Variants in KCNQ1 observed in about 807,000 individuals in gnomAD.
KCNQ1 encodes the protein potassium voltage-gated channel subfamily Q member 1, also known as potassium voltage-gated channel subfamily KQT member 1.
A neutral mutation model predicts 72.4 loss-of-function variants in KCNQ1; 49 were observed. The ratio of observed to expected loss-of-function variants is 0.68; its 90% CI spans 0.54 to 0.86. KCNQ1 has a LOEUF of 0.86. KCNQ1 is among the 40% of genes least tolerant of loss of function. KCNQ1 has a pLI of 0.00. For synonymous variants in KCNQ1, 450 were observed against 412.6 expected (o/e 1.09, Z -1.10); for missense variants, 790 against 945.1 (o/e 0.84, Z 2.15).
Position 2,608,418 on chromosome 11 carries a change from C to G in KCNQ1, c.1393+19564C>G, listed in dbSNP as rs938965001. The G allele has an allele frequency of 9.0e-5, 36 of 398,266 alleles. No individual in the cohort carries two copies. The highest frequency in any genetic ancestry group is 7.4e-4 in the African/African-American group (36 of 48,552). The allele number at this position is 398,266 out of a possible 1,614,324, so 24.7% of individuals were successfully genotyped here. ...TTGGCACAAAATTGTTCATAGTGTT[C>G]CTTCATAATCCTTTTTATTTCTGTC... On this transcript the variant is annotated intron_variant, in intron 10 of 15. Transcript: ENST00000155840. This position sits in a 1 kb window ranked among gnomAD's most constrained non-coding sequence, Gnocchi z 4.6.
Position 2,662,202 on chromosome 11 carries a change from C to T in KCNQ1, c.1514+121C>T, listed in dbSNP as rs543981243. ...GTGCTATCTACTCGCCTAGTGCCCA[C>T]CACTTGCCGTCTGCCTGGCCCCAAC... On this transcript the variant is annotated intron_variant, in intron 11 of 15. Transcript: ENST00000155840. 3.0e-4 allele frequency: 411 copies of T among 1,380,094 alleles called. 8 individuals are homozygous for T. In the South Asian group the frequency reaches 5.1e-3, roughly 17 times the overall value. 85.5% of individuals were successfully genotyped at this position (1,380,094 alleles called of 1,614,324 possible). A position where few individuals can be genotyped will look rare whatever the true frequency, so the allele number is the denominator to read the frequency against.
chr11:2,532,832 T>G (rs1472607980), intron 2 of KCNQ1, among the ~76,000 whole-genome samples: 1 of 152,176 alleles, frequency 6.6e-6, no homozygotes, highest in Non-Finnish European at 1.5e-5. Flanking sequence ...TGTTGGGTTC[T>G]TGATTCCAGC....
At chr11:2,609,963 CT>C in intron 10 of KCNQ1, 1 of 397,936 alleles carries the variant, frequency 2.5e-6, no homozygotes, top group Non-Finnish European at 4.4e-6. Flanking sequence ...CAAATCTGGT[CT>C]GATAATTCCT....
chr11:2,719,987 G>A (rs955288033), intron 11 of KCNQ1, among the ~76,000 whole-genome samples: 6 of 152,246 alleles, frequency 3.9e-5, no homozygotes, highest in Non-Finnish European at 7.3e-5. Context: ...GCACGCCTGG[G>A]CGGAGGTGGA....
At position 2,794,920 on chromosome 11, in the gene KCNQ1, A is replaced by G. The variant is rs1275267022; in HGVS notation, c.1794+16883A>G. On this transcript the variant is annotated intron_variant, in intron 15 of 15. Coordinates refer to ENST00000155840, the MANE Select transcript of KCNQ1 (RefSeq NM_000218.3). ...ATGCCACCAGTGGGGACCAATGTAC[A>G]GAGACCAGGCCCAGCCTAGAGTGGG... Among the ~76,000 whole-genome samples the G allele has an allele frequency of 2.6e-5, 4 of 152,320 alleles. No individual in the cohort carries two copies. In the East Asian group the frequency reaches 7.7e-4, roughly 29 times the overall value.
intron 10 of KCNQ1, chr11:2,634,796 A>G (rs984457224): frequency 6.6e-5 from 10 of 152,210 alleles, no homozygotes; most frequent in African/African-American, 2.2e-4. Flanking sequence ...AGTCCCACCA[A>G]CAGTGTAAAA....
At position 2,646,914 on chromosome 11, in the gene KCNQ1, T is replaced by C. The variant is rs534124860; in HGVS notation, c.1394-15047T>C. 30 of 398,676 alleles carry C rather than the reference T, an allele frequency of 7.5e-5. No individual in the cohort carries two copies. In the East Asian group the frequency reaches 1.0e-3, roughly 13 times the overall value. The allele number at this position is 398,676 out of a possible 1,614,324, so 24.7% of individuals were successfully genotyped here. Reference sequence around the variant, plus strand: ...GGTGGAATCTTTAGGTTTTTCTATGTATAAGATTATGCCATCTGCAAAGGA... The same window carrying C: ...GGTGGAATCTTTAGGTTTTTCTATGCATAAGATTATGCCATCTGCAAAGGA... On this transcript the variant is annotated intron_variant, in intron 10 of 15. Coordinates refer to ENST00000155840, the MANE Select transcript of KCNQ1 (RefSeq NM_000218.3).
intron 15 of KCNQ1, among the ~76,000 whole-genome samples, chr11:2,792,289 C>T (rs1445307264): frequency 6.6e-6 from 1 of 152,160 alleles, no homozygotes; most frequent in Non-Finnish European, 1.5e-5. Context: ...AACCTGGAGC[C>T]CCTCTGGCCG....
intron 1 of KCNQ1, among the ~76,000 whole-genome samples, chr11:2,490,209 G>C (rs1161973443): frequency 6.6e-6 from 1 of 152,016 alleles, no homozygotes; most frequent in Non-Finnish European, 1.5e-5. Context: ...AAGGAATTCT[G>C]GGTATGACTT....
rs1184153876 is a variant in KCNQ1, at chr11:2,658,522, A to C, written c.1394-3439A>C. 8 of 398,302 alleles carry C rather than the reference A, an allele frequency of 2.0e-5. No homozygotes were observed. The highest frequency in any genetic ancestry group is 6.2e-4 in the Middle Eastern group (1 of 1,612). 24.7% of individuals were successfully genotyped at this position (398,302 alleles called of 1,614,324 possible). ...CTTTTCTAGCACTTGACAATACTTCAGGCTCATCTTTTATTTTCCCTACCC... is the reference window on the plus strand; with the variant it reads ...CTTTTCTAGCACTTGACAATACTTCCGGCTCATCTTTTATTTTCCCTACCC... On this transcript the variant is annotated intron_variant, in intron 10 of 15. Transcript: ENST00000155840. This position sits in a 1 kb window ranked among gnomAD's most constrained non-coding sequence, Gnocchi z 4.9.
In KCNQ1 at chr11:2,518,299, G is replaced by A. The variant is rs148663686; in HGVS notation, c.387-9629G>A. Among the ~76,000 whole-genome samples the A allele has an allele frequency of 5.3e-3, 813 of 152,324 alleles. 24 individuals are homozygous for A. The highest frequency in any genetic ancestry group is 0.026 in the East Asian group (135 of 5,166). On this transcript the variant is annotated intron_variant, in intron 1 of 15. Transcript: ENST00000155840. ...CAGGGAAGCCCAGGCCAGGGCCTCC[G>A]CAGAAGGAGGGTTTGGGGTCCAGGC...
At position 2,463,930 on chromosome 11, in the gene KCNQ1, G is replaced by A. The variant is rs1409010674; in HGVS notation, c.386+18446G>A. On this transcript the variant is annotated intron_variant, in intron 1 of 15. Transcript: ENST00000155840. The surrounding 1 kb of genome is among the most constrained non-coding windows in gnomAD (Gnocchi z 7.0). ...TCTCCCCACGGTGTGAGGCAGCACC[G>A]AGGGCTCCGTGCCCAGCAGGCTCAC... Among the ~76,000 whole-genome samples the A allele has an allele frequency of 2.6e-5, 4 of 152,236 alleles. No individual in the cohort carries two copies. The highest frequency in any genetic ancestry group is 6.5e-5 in the Admixed American group (1 of 15,284).
chr11:2,799,506 G>T (rs116112422), intron 15 of KCNQ1, among the ~76,000 whole-genome samples: 285 of 151,880 alleles, frequency 1.9e-3, no homozygotes, highest in African/African-American at 6.5e-3. Flanking sequence ...GTTGTATGTG[G>T]TGTGTCTTCT....
chr11:2,648,051 C>CAAA (rs34011245), intron 10 of KCNQ1: 14 of 368,964 alleles, frequency 3.8e-5, no homozygotes, highest in East Asian at 3.7e-5. Context: ...CCATCTCTAC[C>CAAA]AAAAAAAAAA....
At position 2,683,916 on chromosome 11, in the gene KCNQ1, T is replaced by A; in HGVS notation, c.1514+21835T>A. 2.5e-6 allele frequency: 1 copy of A among 397,926 alleles called. No homozygotes were observed. Among genetic ancestry groups the A allele is most frequent in the Non-Finnish European group, 4.4e-6 (1 of 226,004 alleles). 24.6% of individuals were successfully genotyped at this position (397,926 alleles called of 1,614,324 possible). A position where few individuals can be genotyped will look rare whatever the true frequency, so the allele number is the denominator to read the frequency against. ...AAAAGATGGCCAAAGGTGCATGCTC[T>A]GTGACACGTTTCATAGTCAGACAAA... is the stretch of plus-strand genomic sequence containing the variant. On this transcript the variant is annotated intron_variant, in intron 11 of 15. Transcript: ENST00000155840. The surrounding 1 kb of genome is among the most constrained non-coding windows in gnomAD (Gnocchi z 4.7).
chr11:2,833,806 G>C (rs1848005114), intron 15 of KCNQ1, among the ~76,000 whole-genome samples: 1 of 152,214 alleles, frequency 6.6e-6, no homozygotes, highest in Non-Finnish European at 1.5e-5. Flanking sequence ...CAGGCAGCTG[G>C]GGGAAGGCCA....
Position 2,588,203 on chromosome 11 carries a change from A to C in KCNQ1, c.1252-510A>C, listed in dbSNP as rs1848621554. On this transcript the variant is annotated intron_variant, in intron 9 of 15. Coordinates refer to ENST00000155840, the MANE Select transcript of KCNQ1 (RefSeq NM_000218.3). The surrounding 1 kb of genome is among the most constrained non-coding windows in gnomAD (Gnocchi z 5.6). ...ATAAGGGGTTGGGGCTGACGCTGGC[A>C]TGGTTCCCCTTCCTGGCCCGTGCCC... Among the ~76,000 whole-genome samples, 1 of 152,030 alleles carries C rather than the reference A, an allele frequency of 6.6e-6. No individual in the cohort carries two copies. Among genetic ancestry groups the C allele is most frequent in the Admixed American group, 6.5e-5 (1 of 15,276 alleles).
At chr11:2,640,962 C>T (rs1362394792) in intron 10 of KCNQ1, 1 of 398,554 alleles carries the variant, frequency 2.5e-6, no homozygotes, top group African/African-American at 2.1e-5. Context: ...ATAATGACCT[C>T]CAGCTCCATT....
rs550045842 is a variant in KCNQ1, at chr11:2,668,273, G to A, written c.1514+6192G>A. The A allele has an allele frequency of 7.5e-6, 3 of 398,518 alleles. No homozygotes were observed. Among genetic ancestry groups the A allele is most frequent in the Non-Finnish European group, 4.4e-6 (1 of 226,108 alleles). 24.7% of individuals were successfully genotyped at this position (398,518 alleles called of 1,614,324 possible). A position where few individuals can be genotyped will look rare whatever the true frequency, so the allele number is the denominator to read the frequency against. ...GTAGGTTGCTGTTTAAGAATATTCTGTACATGCTTTTGGTGAGCATCAGGT... is the reference window on the plus strand; with the variant it reads ...GTAGGTTGCTGTTTAAGAATATTCTATACATGCTTTTGGTGAGCATCAGGT... On this transcript the variant is annotated intron_variant, in intron 11 of 15. Transcript: ENST00000155840. The surrounding 1 kb of genome is among the most constrained non-coding windows in gnomAD (Gnocchi z 4.3).
Sources: gnomAD v4.1 joint callset for allele counts (sites outside exome capture counted in the v4.1 genomes callset) on GRCh38, gnomAD v4.1.1 for gene constraint, Gnocchi (gnomAD v3.1) non-coding constraint, MANE v1.5 for transcripts, NCBI Gene and HGNC (gene_info 2026-07-23, HGNC 2026-07-21) for gene names.